The following TMEM108 variants were observed in gnomAD, a reference collection of about 807,000 sequenced individuals.
TMEM108 encodes the protein cancer/testis antigen 124.
Under a neutral mutation model 35.1 loss-of-function variants are expected in TMEM108, and 12 were observed. The ratio of observed to expected loss-of-function variants is 0.34; its 90% CI spans 0.22 to 0.55. The LOEUF is 0.55. TMEM108 is among the 20% of genes least tolerant of loss of function. The pLI is 0.89. For missense variants in TMEM108, 680 were observed against 753.3 expected, an observed-to-expected ratio of 0.90 and a Z score of 1.14; for synonymous variants, 287 against 308.6, an observed-to-expected ratio of 0.93 and a Z score of 0.73.
At chr3:133,365,857 G>T (rs1350542233) in intron 3 of TMEM108, among the ~76,000 whole-genome samples, 1 of 152,170 alleles carries the variant, frequency 6.6e-6, no homozygotes, top group Non-Finnish European at 1.5e-5. Flanking sequence ...GTCTGGTGAA[G>T]CTAGGAGCCC....
intron 2 of TMEM108, among the ~76,000 whole-genome samples, chr3:133,067,151 T>C (rs1041651924): frequency 6.6e-6 from 1 of 152,210 alleles, no homozygotes; most frequent in African/African-American, 2.4e-5. Flanking sequence ...GGTTTTAGAA[T>C]TACCAATTTG....
At chr3:133,146,822 A>G (rs1944728124) in intron 2 of TMEM108, among the ~76,000 whole-genome samples, 2 of 152,132 alleles carry the variant, frequency 1.3e-5, no homozygotes, top group East Asian at 3.9e-4. Flanking sequence ...CCCTTTTATC[A>G]TTTTTTATTG....
chr3:133,302,415 C>CTTTTTTTTT (rs927704510), intron 3 of TMEM108, among the ~76,000 whole-genome samples: 79 of 110,076 alleles, frequency 7.2e-4, no homozygotes, highest in African/African-American at 1.5e-3. Context: ...TTCTTTCTTT[C>CTTTTTTTTT]TTTTTTTTTT....
intron 2 of TMEM108, among the ~76,000 whole-genome samples, chr3:133,057,271 T>G (rs1943476345): frequency 6.6e-6 from 1 of 152,060 alleles, no homozygotes; most frequent in Admixed American, 6.5e-5. Flanking sequence ...CTTTCCCTTC[T>G]TACTATTTCT....
intron 2 of TMEM108, among the ~76,000 whole-genome samples, chr3:133,212,880 A>G (rs149520033): frequency 4.2e-4 from 47 of 111,966 alleles, no homozygotes; most frequent in South Asian, 3.9e-3. Flanking sequence ...AAAAAAAAAA[A>G]GGAAAAAAAA....
chr3:133,298,024 C>T (rs547018675), intron 3 of TMEM108, among the ~76,000 whole-genome samples: 1 of 152,212 alleles, frequency 6.6e-6, no homozygotes, highest in South Asian at 2.1e-4. Flanking sequence ...ATCTCTTTGT[C>T]CAGCCATCTA....
At chr3:133,166,585 C>T (rs975218849) in intron 2 of TMEM108, among the ~76,000 whole-genome samples, 7 of 152,080 alleles carry the variant, frequency 4.6e-5, no homozygotes, top group Admixed American at 1.3e-4. Flanking sequence ...TGCAGACCTT[C>T]GCAGTGAGTG....
intron 2 of TMEM108, among the ~76,000 whole-genome samples, chr3:133,204,167 C>A (rs1945715450): frequency 6.6e-6 from 1 of 151,336 alleles, no homozygotes; most frequent in South Asian, 2.1e-4. Flanking sequence ...TTTTATTGTA[C>A]CTATTTTATT....
intron 2 of TMEM108, among the ~76,000 whole-genome samples, chr3:133,073,510 C>CTCTCTCTCTATATATATATA: frequency 9.1e-4 from 40 of 43,888 alleles, no homozygotes; most frequent in Non-Finnish European, 1.1e-3. Flanking sequence ...CTCTCTCTCT[C>CTCTCTCTCTATATATATATA]TATATATATA....
chr3:133,289,450 A>G (rs1210926969), intron 3 of TMEM108, among the ~76,000 whole-genome samples: 4 of 152,224 alleles, frequency 2.6e-5, no homozygotes, highest in African/African-American at 9.6e-5. Flanking sequence ...GACATCAGTC[A>G]GACACCACGT....
chr3:133,239,918 A>G (rs1212744034), intron 3 of TMEM108, among the ~76,000 whole-genome samples: 1 of 152,240 alleles, frequency 6.6e-6, no homozygotes, highest in African/African-American at 2.4e-5. Context: ...AGGAACTGTT[A>G]GAACTTGAAG....
chr3:133,055,066 A>G (rs1452099110), intron 2 of TMEM108, among the ~76,000 whole-genome samples: 1 of 152,210 alleles, frequency 6.6e-6, no homozygotes, highest in African/African-American at 2.4e-5. Flanking sequence ...AACAGCAGAG[A>G]TAAAACATTT....
At chr3:133,390,085 C>T (rs1402166104) in intron 4 of TMEM108, 95 bp from the exon 5 acceptor site, 39 of 1,473,144 alleles carry the variant, frequency 2.6e-5, no homozygotes, top group Non-Finnish European at 3.5e-5. Context: ...CATACACTTA[C>T]TCCAGCTGGG....
chr3:133,320,945 A>T (rs1007873949), intron 3 of TMEM108, among the ~76,000 whole-genome samples: 2 of 152,196 alleles, frequency 1.3e-5, no homozygotes, highest in African/African-American at 4.8e-5. Flanking sequence ...AGGAGAGATA[A>T]AGTCTTTTTC....
chr3:133,066,208 G>A (rs1170260943), intron 2 of TMEM108, among the ~76,000 whole-genome samples: 2 of 151,990 alleles, frequency 1.3e-5, no homozygotes, highest in African/African-American at 4.8e-5. Context: ...GTTATGCTGG[G>A]ATAACTACCA....
intron 3 of TMEM108, among the ~76,000 whole-genome samples, chr3:133,238,743 A>T (rs568606918): frequency 1.3e-5 from 2 of 152,280 alleles, no homozygotes; most frequent in Non-Finnish European, 2.9e-5. Flanking sequence ...ATGAGAGGAA[A>T]TTTTTCCTGT....
chr3:133,046,230 A>G (rs1010468598), intron 2 of TMEM108, among the ~76,000 whole-genome samples: 2 of 152,212 alleles, frequency 1.3e-5, no homozygotes, highest in African/African-American at 2.4e-5. Context: ...GAATCTATGC[A>G]TGGAAATATT....
intron 2 of TMEM108, among the ~76,000 whole-genome samples, chr3:133,123,682 G>A (rs975463406): frequency 6.6e-6 from 1 of 152,234 alleles, no homozygotes; most frequent in African/African-American, 2.4e-5. Context: ...CCATGGAAGT[G>A]AATAAGAAGC....
At position 133,217,526 on chromosome 3, in the gene TMEM108, A is replaced by T. The variant is rs753644861; in HGVS notation, c.-46-11740A>T. ...AAACCAATGTCATGGAGATTTTCCCATATGTCTTCTTCTAGTAGTAGATTT... is the reference window on the plus strand; with the variant it reads ...AAACCAATGTCATGGAGATTTTCCCTTATGTCTTCTTCTAGTAGTAGATTT... On this transcript the variant is annotated intron_variant, in intron 2 of 5. Transcript: ENST00000321871. Among the ~76,000 whole-genome samples the T allele has an allele frequency of 2.0e-5, 3 of 151,948 alleles. No homozygotes were observed. In the East Asian group the frequency reaches 5.8e-4, roughly 29 times the overall value.
Sources: gnomAD v4.1 joint callset for allele counts (sites outside exome capture counted in the v4.1 genomes callset) on GRCh38, gnomAD v4.1.1 for gene constraint, MANE v1.5 for transcripts, NCBI Gene and HGNC (gene_info 2026-07-23, HGNC 2026-07-21) for gene names.